FBXW8: variants seen among roughly 807,000 people sequenced by gnomAD.
FBXW8 encodes F-box and WD repeat domain containing 8.
Under a neutral mutation model 65.3 loss-of-function variants are expected in FBXW8, and 57 were observed. The observed-to-expected ratio is 0.87, with a 90% CI of 0.71 to 1.09. The LOEUF (loss-of-function observed/expected upper bound fraction) is 1.09, where lower values mean the gene tolerates loss of function less well. Among genes scored for constraint, FBXW8 ranks in the 50% least tolerant of loss-of-function variants. The probability of loss-of-function intolerance (pLI) is 0.00; values close to 1 mark genes in which losing one functional copy is unlikely to be tolerated. For synonymous variants in FBXW8, 308 were observed against 330.2 expected, an observed-to-expected ratio of 0.93 and a Z score of 0.73; for missense variants, 777 against 814.8, an observed-to-expected ratio of 0.95 and a Z score of 0.57.
At chr12:116,941,194 G>C (rs1428531283) in intron 2 of FBXW8, among the ~76,000 whole-genome samples, 1 of 152,190 alleles carries the variant, frequency 6.6e-6, no homozygotes, top group Non-Finnish European at 1.5e-5. Flanking sequence ...AGCATTGCAG[G>C]ATTGCCTGGG....
intron 7 of FBXW8, among the ~76,000 whole-genome samples, chr12:116,998,023 T>C (rs1178764154): frequency 2.0e-5 from 3 of 152,200 alleles, no homozygotes; most frequent in Non-Finnish European, 4.4e-5. Context: ...CACTACATGT[T>C]GGCCAGGCTG....
chr12:116,911,103 G>A lies in FBXW8; in HGVS notation c.66G>A (p.Ala22=). The part of the protein sequence containing the change: ...RWQEELAQAQ[A]PKKRRRPEAA... The stretch of plus-strand genomic sequence containing the variant: ...AGGAGGAGCTGGCGCAGGCCCAGGC[G>A]CCGAAGAAGCGGCGACGGCCCGAGG... Residue 22 remains alanine, a synonymous_variant, in exon 1 of 11, where the codon GCG becomes GCA. Coordinates refer to ENST00000652555, the MANE Select transcript of FBXW8 (RefSeq NM_153348.3). The A allele has an allele frequency of 1.4e-6, 2 of 1,407,516 alleles. No individual in the cohort carries two copies. Among genetic ancestry groups the A allele is most frequent in the Non-Finnish European group, 1.8e-6 (2 of 1,090,676 alleles). 87.2% of individuals were successfully genotyped at this position (1,407,516 alleles called of 1,614,324 possible).
rs564132107 is a variant in FBXW8, at chr12:116,936,957, T to A, written c.424-8407T>A. On this transcript the variant is annotated intron_variant, in intron 2 of 10. Coordinates refer to ENST00000652555, the MANE Select transcript of FBXW8 (RefSeq NM_153348.3). The surrounding 1 kb of genome is among the most constrained non-coding windows in gnomAD (Gnocchi z 4.6). ...ACCATTTGGGCTGCTGTGTGGAGAA[T>A]CGGTTGTTGGGGGACAAGGACAGCA... Among the ~76,000 whole-genome samples the A allele has an allele frequency of 9.2e-5, 14 of 152,098 alleles. No individual in the cohort carries two copies. Among genetic ancestry groups the A allele is most frequent in the Middle Eastern group, 3.4e-3 (1 of 294 alleles).
chr12:117,021,142 A>C (rs1009590671), intron 8 of FBXW8, among the ~76,000 whole-genome samples: 38 of 152,300 alleles, frequency 2.5e-4, no homozygotes, highest in African/African-American at 7.5e-4. Context: ...GCATGTTACC[A>C]AACTTTACCT....
At chr12:116,963,338 G>T (rs1198882729) in intron 4 of FBXW8, among the ~76,000 whole-genome samples, 1 of 152,172 alleles carries the variant, frequency 6.6e-6, no homozygotes, top group Non-Finnish European at 1.5e-5. Flanking sequence ...CAGCTGTGGT[G>T]GCTCACACCT....
intron 5 of FBXW8, among the ~76,000 whole-genome samples, chr12:116,968,067 C>T (rs2137397936): frequency 1.3e-5 from 2 of 152,308 alleles, no homozygotes; most frequent in African/African-American, 4.8e-5. Context: ...CCGCGCCTGG[C>T]TTGTCATTTA....
intron 7 of FBXW8, among the ~76,000 whole-genome samples, chr12:117,006,297 T>G (rs191453323): frequency 5.1e-4 from 78 of 152,314 alleles, no homozygotes; most frequent in Admixed American, 4.7e-3. Context: ...AGTATGCAAG[T>G]GGTTCATGAT....
intron 2 of FBXW8, among the ~76,000 whole-genome samples, chr12:116,931,534 T>C (rs904403843): frequency 6.6e-6 from 1 of 152,234 alleles, no homozygotes; most frequent in Admixed American, 6.5e-5. Context: ...ATTTGTATCA[T>C]CCGTTTTCTC....
chr12:117,007,381 T>A (rs1214863958), intron 7 of FBXW8, among the ~76,000 whole-genome samples: 1 of 152,202 alleles, frequency 6.6e-6, no homozygotes, highest in Non-Finnish European at 1.5e-5. Context: ...AAAATTCTTC[T>A]CTGTGTCATG....
At chr12:116,928,849 C>T (rs966223919) in intron 2 of FBXW8, among the ~76,000 whole-genome samples, 11 of 152,068 alleles carry the variant, frequency 7.2e-5, no homozygotes, top group Admixed American at 3.3e-4. Flanking sequence ...TTTGCTCTGT[C>T]GCCCAGGCTG....
chr12:116,954,111 C>CAAAAAAAAA (rs59747365), intron 4 of FBXW8, among the ~76,000 whole-genome samples: 3 of 100,642 alleles, frequency 3.0e-5, no homozygotes, highest in African/African-American at 7.3e-5. Context: ...GACTCTGTCT[C>CAAAAAAAAA]AAAAAAAAAA....
intron 7 of FBXW8, among the ~76,000 whole-genome samples, chr12:116,990,930 G>T (rs1192455997): frequency 6.6e-6 from 1 of 152,216 alleles, no homozygotes; most frequent in African/African-American, 2.4e-5. Flanking sequence ...CAGGAGGATG[G>T]CTTGAGGCTG....
chr12:117,002,567 G>C (rs972517136), intron 7 of FBXW8: 3 of 152,150 alleles, frequency 2.0e-5, no homozygotes, highest in Admixed American at 6.5e-5. Context: ...TGGGATGGTG[G>C]TGAAAGTCAT....
chr12:116,985,421 T>C lies in FBXW8; in HGVS notation c.1032+19T>C. ...GAAACTGGTGAGCTTTTTAGTCTGGTCATCTTATTTTCTATTCTTAGAATC... is the reference window on the plus strand; with the variant it reads ...GAAACTGGTGAGCTTTTTAGTCTGGCCATCTTATTTTCTATTCTTAGAATC... On this transcript the variant is annotated intron_variant, in intron 6 of 10. Coordinates refer to ENST00000652555, the MANE Select transcript of FBXW8 (RefSeq NM_153348.3). 1 of 1,606,642 alleles carries C rather than the reference T, an allele frequency of 6.2e-7. No individual in the cohort carries two copies. Among genetic ancestry groups the C allele is most frequent in the Non-Finnish European group, 8.5e-7 (1 of 1,176,802 alleles).
chr12:116,930,407 T>G (rs1422774007), intron 2 of FBXW8, among the ~76,000 whole-genome samples: 2 of 152,216 alleles, frequency 1.3e-5, no homozygotes, highest in African/African-American at 4.8e-5. Flanking sequence ...TGTTGAGCAT[T>G]TTTAAATATA....
chr12:117,014,887 A>C (rs1208696107), intron 8 of FBXW8, among the ~76,000 whole-genome samples: 1 of 152,082 alleles, frequency 6.6e-6, no homozygotes, highest in Non-Finnish European at 1.5e-5. Context: ...CTCCTCTCTC[A>C]ATCCTTACAC....
At chr12:116,916,952 GTCA>G (rs963806112) in intron 1 of FBXW8, among the ~76,000 whole-genome samples, 1 of 151,964 alleles carries the variant, frequency 6.6e-6, no homozygotes, top group African/African-American at 2.4e-5. Context: ...TGGGTTATGA[GTCA>G]TCATACAGCA....
Position 116,910,987 on chromosome 12 carries a change from C to G in FBXW8, c.-51C>G. ...GACACTTCCCTGGGCGGGACTGTCTCGTGGCACCCGGTGGAACCGAGGAGA... is the reference window on the plus strand; with the variant it reads ...GACACTTCCCTGGGCGGGACTGTCTGGTGGCACCCGGTGGAACCGAGGAGA... On this transcript the variant is annotated 5_prime_UTR_variant, in exon 1 of 11. Transcript: ENST00000652555. The G allele has an allele frequency of 7.5e-7, 1 of 1,341,702 alleles. No homozygotes were observed. Among genetic ancestry groups the G allele is most frequent in the South Asian group, 1.9e-5 (1 of 53,188 alleles). The allele number at this position is 1,341,702 out of a possible 1,614,324, so 83.1% of individuals were successfully genotyped here.
In FBXW8 at chr12:116,970,881, C is replaced by T. The variant is rs536137894; in HGVS notation, c.835+6027C>T. Among the ~76,000 whole-genome samples, 171 of 152,182 alleles carry T rather than the reference C, an allele frequency of 1.1e-3. 1 individual carries two copies. The highest frequency in any genetic ancestry group is 4.0e-3 in the African/African-American group (168 of 41,516). ...TTCAATCATCAGTTCTTGCCTGGTA[C>T]CTTTGCCTACTCACCCTTAGGTCCA... On this transcript the variant is annotated intron_variant, in intron 5 of 10. Coordinates refer to ENST00000652555, the MANE Select transcript of FBXW8 (RefSeq NM_153348.3).
Sources: allele counts gnomAD v4.1 joint callset (sites outside exome capture counted in the v4.1 genomes callset), GRCh38; gene constraint gnomAD v4.1.1; non-coding constraint Gnocchi (gnomAD v3.1); transcripts MANE v1.5; gene names NCBI Gene and HGNC (gene_info 2026-07-23, HGNC 2026-07-21).